Variants in CREBBP observed in about 807,000 individuals in gnomAD.
CREBBP encodes the protein CREB-binding protein.
CREBBP carries 19 observed loss-of-function variants against 265.0 expected under a neutral mutation model. The observed-to-expected ratio is 0.07, with a 90% CI of 0.05 to 0.11. The LOEUF is 0.11. CREBBP is among the 10% of genes least tolerant of loss of function. The pLI, the probability that CREBBP is intolerant of heterozygous loss-of-function variation, is 1.00. For missense variants in CREBBP, 2,525 were observed against 3,219.0 expected (o/e 0.78, Z 5.22); for synonymous variants, 1,457 against 1,223.7 (o/e 1.19, Z -3.98).
At chr16:3,787,842 A>T (rs1266838766) in intron 5 of CREBBP, among the ~76,000 whole-genome samples, 1 of 151,990 alleles carries the variant, frequency 6.6e-6, no homozygotes, top group Non-Finnish European at 1.5e-5. Flanking sequence ...TGCCCAGCTA[A>T]TTATTTGTAT....
chr16:3,836,933 A>C (rs528062583), intron 2 of CREBBP, among the ~76,000 whole-genome samples: 1 of 152,386 alleles, frequency 6.6e-6, no homozygotes, highest in South Asian at 2.1e-4. Flanking sequence ...TGGTGTAAAC[A>C]AATCAATGCA....
At chr16:3,778,669 A>G (rs1265556859) in intron 9 of CREBBP, 31 bp downstream of exon 9, 5 of 1,496,110 alleles carry the variant, frequency 3.3e-6, no homozygotes, top group Non-Finnish European at 4.7e-6. Flanking sequence ...CAGATGCTGT[A>G]GAGGCCAGAG....
chr16:3,781,384 A>T, intron 6 of CREBBP, 78 bp from the exon 7 acceptor site: 2 of 1,117,964 alleles, frequency 1.8e-6, no homozygotes, highest in Non-Finnish European at 1.3e-6. Flanking sequence ...GATAACCAAC[A>T]TGCCACCATA....
intron 3 of CREBBP, among the ~76,000 whole-genome samples, chr16:3,802,841 C>A (rs1046835462): frequency 6.6e-6 from 1 of 151,964 alleles, no homozygotes; most frequent in East Asian, 1.9e-4. Flanking sequence ...GATACTCCCC[C>A]ACCCACCTGG....
At chr16:3,751,904 G>A in intron 19 of CREBBP, 98 bp from the exon 20 acceptor site, 3 of 1,132,110 alleles carry the variant, frequency 2.6e-6, no homozygotes, top group Non-Finnish European at 4.0e-6. Flanking sequence ...AGAGCACCAC[G>A]ACGAAGGGGG....
At chr16:3,761,568 A>T (rs1379123834) in intron 16 of CREBBP, 1 of 518,696 alleles carries the variant, frequency 1.9e-6, no homozygotes, top group East Asian at 5.5e-5. Context: ...CCCAGGATAC[A>T]GACTCTTGAC....
chr16:3,759,620 C>A (rs973410206), intron 16 of CREBBP, among the ~76,000 whole-genome samples: 1 of 145,074 alleles, frequency 6.9e-6, no homozygotes, highest in African/African-American at 2.8e-5. Context: ...TGGAAGGGAC[C>A]TTAAAAGATC....
intron 2 of CREBBP, among the ~76,000 whole-genome samples, chr16:3,849,379 G>A (rs1056942428): frequency 0.062 from 45 of 724 alleles, 1 homozygote; most frequent in Non-Finnish European, 0.33. Context: ...GCTCTTGGCC[G>A]TGTGTGTGTG....
At chr16:3,736,867 T>G (rs745869259) in intron 26 of CREBBP, 52 bp from the exon 27 acceptor site, 2 of 1,608,742 alleles carry the variant, frequency 1.2e-6, no homozygotes, top group East Asian at 4.5e-5. Context: ...AAATCGGCCC[T>G]GCCTTTAAGG....
intron 1 of CREBBP, among the ~76,000 whole-genome samples, chr16:3,862,292 A>G (rs1447963066): frequency 6.6e-6 from 1 of 152,180 alleles, no homozygotes; most frequent in Non-Finnish European, 1.5e-5. Context: ...CAAGACAGGC[A>G]GGCAGAGATG....
chr16:3,836,462 A>G (rs1402605387), intron 2 of CREBBP, among the ~76,000 whole-genome samples: 1 of 151,816 alleles, frequency 6.6e-6, no homozygotes, highest in Non-Finnish European at 1.5e-5. Context: ...AAAAAAAGAA[A>G]AAAAAGAAAT....
At chr16:3,765,697 G>C (rs1394389532) in intron 16 of CREBBP, among the ~76,000 whole-genome samples, 2 of 152,110 alleles carry the variant, frequency 1.3e-5, no homozygotes, top group Non-Finnish European at 2.9e-5. Flanking sequence ...ACTTAGGCTG[G>C]AGTACAGTGA....
intron 8 of CREBBP, among the ~76,000 whole-genome samples, chr16:3,780,085 CA>C (rs2053237900): frequency 6.6e-6 from 1 of 151,668 alleles, no homozygotes; most frequent in Non-Finnish European, 1.5e-5. Context: ...CTACCAAAAA[CA>C]CAAAAAGTAG....
chr16:3,735,438 A>G (rs1487607072), intron 28 of CREBBP, among the ~76,000 whole-genome samples: 2 of 152,106 alleles, frequency 1.3e-5, no homozygotes, highest in East Asian at 3.9e-4. Context: ...CTGGGATTAC[A>G]GGTGCCCCCT....
In CREBBP at chr16:3,725,649, G is replaced by C. The variant is rs1273662197; in HGVS notation, c.*2069C>G. 2 of 233,208 alleles carry C rather than the reference G, an allele frequency of 8.6e-6. No homozygotes were observed. Among genetic ancestry groups the C allele is most frequent in the African/African-American group, 2.2e-5 (1 of 45,346 alleles). The allele number at this position is 233,208 out of a possible 1,614,324, so 14.4% of individuals were successfully genotyped here. On this transcript the variant is annotated 3_prime_UTR_variant, in exon 31 of 31. Coordinates refer to ENST00000262367, the MANE Select transcript of CREBBP (RefSeq NM_004380.3). The stretch of plus-strand genomic sequence containing the variant: ...CCAGATGGTGGTCTTATTTTTACTT[G>C]AATTATTCTGCATTTTATAACTCAA...
At position 3,848,213 on chromosome 16, in the gene CREBBP, C is replaced by T. The variant is rs576731830; in HGVS notation, c.798+2084G>A. Among the ~76,000 whole-genome samples the T allele has an allele frequency of 1.1e-4, 17 of 151,526 alleles. No individual in the cohort carries two copies. In the South Asian group the frequency reaches 2.7e-3, roughly 24 times the overall value. ...TTACAACATATGAGACCACTGGAAA[C>T]GTGACTATTCTGTGGATACTGGCTG... On this transcript the variant is annotated intron_variant, in intron 2 of 30. Transcript: ENST00000262367.
At chr16:3,869,521 G>A (rs1465845925) in intron 1 of CREBBP, among the ~76,000 whole-genome samples, 1 of 152,138 alleles carries the variant, frequency 6.6e-6, no homozygotes, top group Non-Finnish European at 1.5e-5. Context: ...TAGACAAAGA[G>A]GATAAGTAAA....
At chr16:3,842,136 T>C (rs1385968848) in intron 2 of CREBBP, among the ~76,000 whole-genome samples, 5 of 152,234 alleles carry the variant, frequency 3.3e-5, no homozygotes, top group Admixed American at 6.5e-5. Context: ...TGACCCCCTA[T>C]GAAGATGGAT....
In CREBBP at chr16:3,867,323, T is replaced by C. The variant is rs373241543; in HGVS notation, c.85+12509A>G. On this transcript the variant is annotated intron_variant, in intron 1 of 30. Coordinates refer to ENST00000262367, the MANE Select transcript of CREBBP (RefSeq NM_004380.3). ...CTAGGCAACATAGCAAGACCCTGTCTCTACAAAAATAATAAAAAATTATCT... is the reference window on the plus strand; with the variant it reads ...CTAGGCAACATAGCAAGACCCTGTCCCTACAAAAATAATAAAAAATTATCT... Among the ~76,000 whole-genome samples, 185 of 152,198 alleles carry C rather than the reference T, an allele frequency of 1.2e-3. 1 individual carries two copies. The highest frequency in any genetic ancestry group is 6.8e-3 in the Middle Eastern group (2 of 294).
Sources: gnomAD v4.1 joint callset for allele counts (sites outside exome capture counted in the v4.1 genomes callset) on GRCh38, gnomAD v4.1.1 for gene constraint, MANE v1.5 for transcripts, NCBI Gene and HGNC (gene_info 2026-07-23, HGNC 2026-07-21) for gene names.